The following KIF23 variants were observed in gnomAD, a reference collection of about 807,000 sequenced individuals.
KIF23 encodes kinesin-like protein KIF23.
In KIF23, 30 loss-of-function variants were observed where a neutral mutation model predicts 137.5. The observed-to-expected ratio is 0.22, with a 90% CI of 0.16 to 0.30. KIF23 has a LOEUF of 0.30. Among genes scored for constraint, KIF23 ranks in the 10% least tolerant of loss-of-function variants. KIF23 has a pLI of 1.00. For synonymous variants in KIF23, 367 were observed against 391.1 expected (o/e 0.94, Z 0.73); for missense variants, 920 against 1,194.3 (o/e 0.77, Z 3.38).
At chr15:69,440,161 T>A (rs1426483398) in intron 17 of KIF23, 84 bp downstream of exon 17, 1 of 1,518,302 alleles carries the variant, frequency 6.6e-7, no homozygotes, top group African/African-American at 1.4e-5. Context: ...TGAATTATTG[T>A]ATTTGCGGTA....
At chr15:69,441,794 A>G (rs1309080671) in intron 19 of KIF23, among the ~76,000 whole-genome samples, 3 of 151,298 alleles carry the variant, frequency 2.0e-5, no homozygotes, top group African/African-American at 4.9e-5. Flanking sequence ...TTAAAGACAG[A>G]GTCTCACTCT....
intron 2 of KIF23, among the ~76,000 whole-genome samples, chr15:69,416,601 A>G (rs749694064): frequency 2.0e-5 from 3 of 152,188 alleles, no homozygotes; most frequent in Non-Finnish European, 4.4e-5. Context: ...AGTTAAGGGA[A>G]CCGGGTGCTT....
Position 69,426,382 on chromosome 15 carries a change from C to T in KIF23, c.936C>T (p.Ser312=). The T allele has an allele frequency of 6.2e-7, 1 of 1,614,004 alleles. No individual in the cohort carries two copies. The highest frequency in any genetic ancestry group is 8.5e-7 in the Non-Finnish European group (1 of 1,179,900). ...CTAATACCCATTTGAATCGTGAGTC[C>T]AGCCGTTCCCATAGCGTGTTCAACA... is the stretch of plus-strand genomic sequence containing the variant. ...RIANTHLNRE[S]SRSHSVFNIK... Residue 312 remains serine, a synonymous_variant, in exon 10 of 24, where the codon TCC becomes TCT. Coordinates refer to ENST00000679126, the MANE Select transcript of KIF23 (RefSeq NM_001367805.3).
At chr15:69,435,005 G>A (rs1023256483) in intron 11 of KIF23, 93 of 600,242 alleles carry the variant, frequency 1.5e-4, no homozygotes, top group Middle Eastern at 5.5e-4. Context: ...GCACGGACTC[G>A]CTCAACACCG....
At chr15:69,426,873 G>A (rs2057207300) in intron 10 of KIF23, among the ~76,000 whole-genome samples, 1 of 152,194 alleles carries the variant, frequency 6.6e-6, no homozygotes, top group Admixed American at 6.5e-5. Flanking sequence ...CATTTGTGCT[G>A]ACCATGTACA....
intron 3 of KIF23, among the ~76,000 whole-genome samples, chr15:69,420,999 C>T (rs942488708): frequency 6.6e-6 from 1 of 152,194 alleles, no homozygotes; most frequent in African/African-American, 2.4e-5. Flanking sequence ...TAGATTTCCA[C>T]AAATCTGTGA....
At chr15:69,422,903 C>T (rs920233733) in intron 6 of KIF23, 7 of 330,514 alleles carry the variant, frequency 2.1e-5, no homozygotes, top group Admixed American at 1.0e-4. Context: ...CAGGTTCAAA[C>T]GATCCTCCTG....
intron 6 of KIF23, 37 bp from the exon 7 acceptor site, chr15:69,423,122 A>G (rs2057100894): frequency 5.2e-6 from 7 of 1,335,328 alleles, no homozygotes; most frequent in Non-Finnish European, 7.4e-6. Flanking sequence ...TTTAAAATGG[A>G]CTTATAACGT....
In KIF23 at chr15:69,440,805, A is replaced by G; in HGVS notation, c.2147A>G (p.Gln716Arg). The G allele has an allele frequency of 1.9e-6, 3 of 1,612,548 alleles. No homozygotes were observed. The highest frequency in any genetic ancestry group is 1.7e-6 in the Non-Finnish European group (2 of 1,179,920). ...SNYIAQISNG[Q>R]QLMSQPQLHR... ...TATATTGCTCAGATTTCCAACGGCC[A>G]GCAACTCATGAGCCAGCCACAGCTA... Residue 716 changes from glutamine (Q) to arginine (R), a missense_variant, in exon 19 of 24, where the codon CAG becomes CGG. Transcript: ENST00000679126.
chr15:69,443,694 A>G (rs1198238677), intron 19 of KIF23: 1 of 152,056 alleles, frequency 6.6e-6, no homozygotes, highest in Non-Finnish European at 1.5e-5. Context: ...TTCAAACTAT[A>G]ACTATGGCAT....
intron 11 of KIF23, chr15:69,434,411 C>T (rs77042275): frequency 4.6e-4 from 170 of 370,272 alleles, no homozygotes; most frequent in African/African-American, 2.9e-3. Context: ...ATTTAATAGC[C>T]GTTGCTTGCT....
At chr15:69,434,489 A>G in intron 11 of KIF23, 1 of 613,092 alleles carries the variant, frequency 1.6e-6, no homozygotes, top group African/African-American at 1.8e-5. Context: ...TTCCACCTTC[A>G]ATCTCATACT....
rs1027148936 is a variant in KIF23, at chr15:69,436,645, C to T, written c.1520C>T (p.Thr507Ile). ...CEILDINDEQ[T>I]LPRLIEALEK... Reference sequence around the variant, plus strand: ...ATTTTGGATATCAACGATGAGCAGACACTTCCAAGGCTGATTGAAGCCTTA... The same window carrying T: ...ATTTTGGATATCAACGATGAGCAGATACTTCCAAGGCTGATTGAAGCCTTA... The change falls in exon 15 of 24, where the codon ACA becomes ATA. Residue 507 changes from threonine (T) to isoleucine (I), a missense_variant. Transcript: ENST00000679126. The T allele has an allele frequency of 6.2e-7, 1 of 1,611,966 alleles. No homozygotes were observed. Among genetic ancestry groups the T allele is most frequent in the Non-Finnish European group, 8.5e-7 (1 of 1,178,400 alleles).
chr15:69,447,559 A>G (rs2057767924), intron 23 of KIF23, among the ~76,000 whole-genome samples: 1 of 152,212 alleles, frequency 6.6e-6, no homozygotes, highest in Admixed American at 6.5e-5. Context: ...TTAAACATTT[A>G]CATACCTTAC....
In KIF23 at chr15:69,426,070, ACCT is replaced by A; in HGVS notation, c.780_782del (p.Pro261del). On this transcript the variant is annotated inframe_deletion and splice_region_variant, in exon 9 of 24. Transcript: ENST00000679126. ...CTAATCTTTTTTTTCTTTCCCATAG[ACCT>A]CCACAATCTAAATTGCTTCGTGAAG... 1 of 1,568,238 alleles carries A rather than the reference ACCT, an allele frequency of 6.4e-7. No individual in the cohort carries two copies. The highest frequency in any genetic ancestry group is 2.3e-5 in the East Asian group (1 of 43,708).
chr15:69,447,748 C>G lies in KIF23; in HGVS notation c.2910-44C>G. On this transcript the variant is annotated intron_variant, in intron 23 of 23. Transcript: ENST00000679126. ...AGATTGATTTGCTATGAATGTGTTA[C>G]TAATTGCAAAGTTCAACTCTAAGTG... 1.9e-6 allele frequency: 3 copies of G among 1,581,092 alleles called. No individual in the cohort carries two copies. The South Asian group carries it at 3.5e-5, about 18-fold the overall frequency.
rs2057063243 is a variant in KIF23, at chr15:69,421,760, A to G, written c.316+8A>G. On this transcript the variant is annotated splice_region_variant and intron_variant, in intron 4 of 23. Coordinates refer to ENST00000679126, the MANE Select transcript of KIF23 (RefSeq NM_001367805.3). The stretch of plus-strand genomic sequence containing the variant: ...TCATTCATGGCAAAAATGGTATGAT[A>G]TGACTCTTGGAGTTTTGTTAGATTT... 1.3e-6 allele frequency: 2 copies of G among 1,578,604 alleles called. No homozygotes were observed. The highest frequency in any genetic ancestry group is 1.7e-4 in the Middle Eastern group (1 of 6,018).
Position 69,446,042 on chromosome 15 carries a change from T to G in KIF23, c.2707T>G (p.Ser903Ala), listed in dbSNP as rs2057733689. ...TTATAAAACAAGGGGTGGTGGACAA[T>G]CTGTTCAGTTTACTGATATTGAGAC... ...DIYKTRGGGQSVQFTDIETLK... is the reference protein window; with the variant it reads ...DIYKTRGGGQAVQFTDIETLK... Residue 903 changes from serine (S) to alanine (A), a missense_variant, in exon 21 of 24, where the codon TCT becomes GCT. Around this residue, in one of 4 missense-constraint regions of KIF23, gnomAD observed 75 missense variants for 177.9 expected, o/e 0.42. Coordinates refer to ENST00000679126, the MANE Select transcript of KIF23 (RefSeq NM_001367805.3). 4 of 1,613,782 alleles carry G rather than the reference T, an allele frequency of 2.5e-6. No individual in the cohort carries two copies. The South Asian group carries it at 4.4e-5, about 18-fold the overall frequency.
At position 69,441,026 on chromosome 15, in the gene KIF23, G is replaced by T; in HGVS notation, c.2368G>T (p.Val790Leu). ...GATGTACTGGACTGAAGGCAGGGAG[G>T]TGGTTCCTACATTCAGAAATGAGAT... Reference protein sequence around the residue: ...RGMYWTEGREVVPTFRNEIEI... With the variant: ...RGMYWTEGRELVPTFRNEIEI... Residue 790 changes from valine (V) to leucine (L), a missense_variant, in exon 19 of 24, where the codon GTG becomes TTG. Val to Leu is a conservative substitution (Grantham distance 32). This residue lies in a region of KIF23 where 714 missense variants were observed against 866.2 expected (regional missense o/e 0.82). Coordinates refer to ENST00000679126, the MANE Select transcript of KIF23 (RefSeq NM_001367805.3). 1.2e-6 allele frequency: 2 copies of T among 1,614,066 alleles called. No individual in the cohort carries two copies. Among genetic ancestry groups the T allele is most frequent in the South Asian group, 2.2e-5 (2 of 91,074 alleles).
Sources: gnomAD v4.1 joint callset for allele counts (sites outside exome capture counted in the v4.1 genomes callset) on GRCh38, gnomAD v4.1.1 for gene constraint, gnomAD v4.1.1 regional missense constraint, MANE v1.5 for transcripts, NCBI Gene and HGNC (gene_info 2026-07-23, HGNC 2026-07-21) for gene names.